RIMS2: variants seen among roughly 807,000 people sequenced by gnomAD.
The protein encoded by RIMS2 is regulating synaptic membrane exocytosis 2, also known as regulating synaptic membrane exocytosis protein 2.
RIMS2 carries 59 observed loss-of-function variants against 174.4 expected under a neutral mutation model. That is an observed-to-expected ratio of 0.34 (90% CI 0.27 to 0.42). RIMS2 has a LOEUF of 0.42. RIMS2 is among the 10% of genes least tolerant of loss of function. RIMS2 has a pLI of 1.00. For synonymous variants in RIMS2, 606 were observed against 572.5 expected, an observed-to-expected ratio of 1.06 and a Z score of -0.84; for missense variants, 1,620 against 1,666.3, an observed-to-expected ratio of 0.97 and a Z score of 0.48.
At chr8:103,995,635 G>A (rs2095043763) in intron 17 of RIMS2, among the ~76,000 whole-genome samples, 1 of 152,068 alleles carries the variant, frequency 6.6e-6, no homozygotes, top group Admixed American at 6.6e-5. Context: ...ATTGAAAGTA[G>A]TTTAGAACTT....
chr8:104,159,676 AGTG>A (rs573479029), intron 19 of RIMS2, among the ~76,000 whole-genome samples: 10 of 152,138 alleles, frequency 6.6e-5, no homozygotes, highest in Non-Finnish European at 1.5e-4. Flanking sequence ...CCTAATGATT[AGTG>A]GTATTGAGCA....
intron 19 of RIMS2, among the ~76,000 whole-genome samples, chr8:104,142,347 T>C (rs775398748): frequency 6.6e-6 from 1 of 152,042 alleles, no homozygotes; most frequent in Non-Finnish European, 1.5e-5. Flanking sequence ...CAGGCTGGTT[T>C]CAAACTTCTC....
intron 3 of RIMS2, among the ~76,000 whole-genome samples, chr8:103,809,706 C>A (rs1215149288): frequency 6.6e-6 from 1 of 152,112 alleles, no homozygotes; most frequent in Non-Finnish European, 1.5e-5. Flanking sequence ...AGACTGAGGG[C>A]ACCAACAAGT....
intron 19 of RIMS2, among the ~76,000 whole-genome samples, chr8:104,095,879 A>C (rs188967127): frequency 6.6e-6 from 1 of 152,240 alleles, no homozygotes; most frequent in African/African-American, 2.4e-5. Context: ...TGAGTATACA[A>C]TTCAGTGATT....
chr8:103,757,234 TATA>T (rs200542963), intron 2 of RIMS2, among the ~76,000 whole-genome samples: 1,549 of 152,330 alleles, frequency 0.01, 30 homozygotes, highest in African/African-American at 0.035. Context: ...TGCTAATTTT[TATA>T]ATATTTAGTT....
intron 1 of RIMS2, among the ~76,000 whole-genome samples, chr8:103,503,367 G>C (rs887773177): frequency 4.0e-5 from 6 of 151,724 alleles, no homozygotes; most frequent in African/African-American, 1.5e-4. Flanking sequence ...AGTAATGAGA[G>C]ACAAATCATT....
intron 9 of RIMS2, among the ~76,000 whole-genome samples, chr8:103,919,680 G>A (rs2077234730): frequency 6.6e-6 from 1 of 152,026 alleles, no homozygotes; most frequent in African/African-American, 2.4e-5. Flanking sequence ...TATTAAAATA[G>A]ATGTTTTTTA....
At chr8:103,587,371 C>A (rs1478017436) in intron 1 of RIMS2, among the ~76,000 whole-genome samples, 1 of 146,966 alleles carries the variant, frequency 6.8e-6, no homozygotes, top group Non-Finnish European at 1.5e-5. Context: ...CCAGTATTAC[C>A]CTGATACCAA....
chr8:104,044,100 T>C (rs1191834444), intron 19 of RIMS2, among the ~76,000 whole-genome samples: 1 of 151,608 alleles, frequency 6.6e-6, no homozygotes, highest in Non-Finnish European at 1.5e-5. Flanking sequence ...ATAGTATTCT[T>C]GAAGGGTCAA....
chr8:104,220,477 C>T (rs2138433353), intron 19 of RIMS2, among the ~76,000 whole-genome samples: 1 of 152,306 alleles, frequency 6.6e-6, no homozygotes, highest in African/African-American at 2.4e-5. Flanking sequence ...CTCCCCATCC[C>T]CAGCAGTCAC....
chr8:103,744,597 G>A (rs1010509596), intron 2 of RIMS2, among the ~76,000 whole-genome samples: 5 of 152,106 alleles, frequency 3.3e-5, no homozygotes, highest in Non-Finnish European at 7.4e-5. Flanking sequence ...TATGCCTTCA[G>A]CCCATTCCAA....
intron 1 of RIMS2, among the ~76,000 whole-genome samples, chr8:103,594,868 C>G (rs1044240582): frequency 6.6e-6 from 1 of 151,852 alleles, no homozygotes; most frequent in Admixed American, 6.6e-5. Context: ...GCTGCTATCC[C>G]TATAAGACAT....
intron 1 of RIMS2, among the ~76,000 whole-genome samples, chr8:103,527,074 C>T (rs1022289479): frequency 2.6e-5 from 4 of 152,058 alleles, no homozygotes; most frequent in Admixed American, 1.3e-4. Flanking sequence ...TCAACAGAAA[C>T]AATAAATGCT....
chr8:103,891,362 T>C (rs2099244135), intron 4 of RIMS2, among the ~76,000 whole-genome samples: 1 of 152,118 alleles, frequency 6.6e-6, no homozygotes, highest in Non-Finnish European at 1.5e-5. Context: ...GTTTCACGTT[T>C]AGACCAAGAG....
intron 19 of RIMS2, among the ~76,000 whole-genome samples, chr8:104,047,982 G>T (rs1055232600): frequency 6.6e-6 from 1 of 152,038 alleles, no homozygotes; most frequent in Non-Finnish European, 1.5e-5. Context: ...ATAAACTCCA[G>T]CTAGATTAAG....
At chr8:103,611,708 A>G (rs568218713) in intron 1 of RIMS2, among the ~76,000 whole-genome samples, 1 of 149,924 alleles carries the variant, frequency 6.7e-6, no homozygotes, top group Admixed American at 6.6e-5. Context: ...TCCTTTCTTT[A>G]TCCTTTAGCT....
At chr8:103,901,990 G>A (rs1470793875) in intron 4 of RIMS2, among the ~76,000 whole-genome samples, 1 of 152,194 alleles carries the variant, frequency 6.6e-6, no homozygotes, top group Non-Finnish European at 1.5e-5. Context: ...CACAGTTTCT[G>A]TTGGTTAGGA....
intron 1 of RIMS2, among the ~76,000 whole-genome samples, chr8:103,586,817 T>TA (rs1387681401): frequency 4.6e-5 from 7 of 151,768 alleles, no homozygotes; most frequent in African/African-American, 1.2e-4. Flanking sequence ...TTTGAATTGT[T>TA]AAAAAAATCG....
Position 103,728,745 on chromosome 8 carries a change from C to CTTTTTTTTTTTTT in RIMS2, c.387+31451_387+31452insTTTTTTTTTTTTT, listed in dbSNP as rs1311572866. On this transcript the variant is annotated intron_variant, in intron 2 of 23. Coordinates refer to ENST00000504942, the Ensembl canonical transcript of RIMS2. ...GCTTTTATTTTGTTGAGGTATGCTC[C>CTTTTTTTTTTTTT]TTCTTTTTTTTTTTTTTTTTTTAGG... Among the ~76,000 whole-genome samples, 97 of 68,102 alleles carry CTTTTTTTTTTTTT rather than the reference C, an allele frequency of 1.4e-3. 1 individual carries two copies. Among genetic ancestry groups the CTTTTTTTTTTTTT allele is most frequent in the African/African-American group, 7.4e-3 (95 of 12,832 alleles). 44.7% of individuals were successfully genotyped at this position (68,102 alleles called of 152,430 possible).
Sources: gnomAD v4.1 joint callset for allele counts (sites outside exome capture counted in the v4.1 genomes callset) on GRCh38, gnomAD v4.1.1 for gene constraint, MANE v1.5 for transcripts, NCBI Gene and HGNC (gene_info 2026-07-23, HGNC 2026-07-21) for gene names.